Variants in TNFSF4 observed in about 807,000 individuals in gnomAD.
TNFSF4 encodes TNF superfamily member 4, also known as tumor necrosis factor ligand superfamily member 4.
In TNFSF4, 4 loss-of-function variants were observed where a neutral mutation model predicts 7.3. The observed-to-expected ratio is 0.55, with a 90% CI of 0.27 to 1.25. TNFSF4 has a LOEUF of 1.25. Ranked by LOEUF, TNFSF4 falls within the 50% of genes most tolerant of loss-of-function variation. TNFSF4 has a pLI of 0.12. For synonymous variants in TNFSF4, 76 were observed against 83.7 expected, an observed-to-expected ratio of 0.91 and a Z score of 0.50; for missense variants, 181 against 208.8, an observed-to-expected ratio of 0.87 and a Z score of 0.82.
At chr1:173,259,548 G>A in the TNFSF4 span, among the ~76,000 whole-genome samples, 5 of 152,160 alleles carry the variant, frequency 3.3e-5, no homozygotes, top group African/African-American at 1.2e-4. Context: ...GAACTTCACT[G>A]AGCTAAAGGA....
At chr1:173,284,663 T>C in the TNFSF4 span, among the ~76,000 whole-genome samples, 5 of 152,198 alleles carry the variant, frequency 3.3e-5, no homozygotes, top group African/African-American at 1.2e-4. Context: ...TTTATCATTC[T>C]GAAAATCCTA....
At chr1:173,359,477 AG>A in the TNFSF4 span, among the ~76,000 whole-genome samples, 83,778 of 134,022 alleles carry the variant, frequency 0.63, 25,852 homozygotes, top group Admixed American at 0.68. Flanking sequence ...AAAAGAAAAA[AG>A]AAAAATTCAA....
At chr1:173,350,240 T>C in the TNFSF4 span, among the ~76,000 whole-genome samples, 1 of 152,188 alleles carries the variant, frequency 6.6e-6, no homozygotes, top group Non-Finnish European at 1.5e-5. Flanking sequence ...TCAAAGAATG[T>C]CTTAGGATCC....
the TNFSF4 span, among the ~76,000 whole-genome samples, chr1:173,341,498 C>T: frequency 6.6e-6 from 1 of 152,172 alleles, no homozygotes; most frequent in Non-Finnish European, 1.5e-5. Context: ...CTGCCACGAC[C>T]TCCTCCCCAA....
At chr1:173,351,699 C>T in the TNFSF4 span, 2 of 355,772 alleles carry the variant, frequency 5.6e-6, no homozygotes, top group African/African-American at 4.2e-5. Flanking sequence ...TATCAATGTT[C>T]AATCCATGCC....
chr1:173,175,752 T>C, the TNFSF4 span, among the ~76,000 whole-genome samples: 1 of 152,214 alleles, frequency 6.6e-6, no homozygotes, highest in African/African-American at 2.4e-5. Flanking sequence ...ACTTCTTATG[T>C]AATGGGGATT....
At chr1:173,331,899 C>T in the TNFSF4 span, among the ~76,000 whole-genome samples, 1 of 152,098 alleles carries the variant, frequency 6.6e-6, no homozygotes, top group East Asian at 1.9e-4. Flanking sequence ...CTTTTGTTCC[C>T]AGGACATATT....
chr1:173,420,773 T>A, the TNFSF4 span, among the ~76,000 whole-genome samples: 1 of 152,232 alleles, frequency 6.6e-6, no homozygotes, highest in Admixed American at 6.5e-5. Context: ...ATTACATAAC[T>A]AATTTACTAA....
the TNFSF4 span, among the ~76,000 whole-genome samples, chr1:173,378,775 C>T: frequency 6.6e-6 from 1 of 152,104 alleles, no homozygotes; most frequent in Non-Finnish European, 1.5e-5. Flanking sequence ...ATATCCCAGC[C>T]TCCCTATAGC....
At chr1:173,298,532 T>G in the TNFSF4 span, among the ~76,000 whole-genome samples, 2 of 151,910 alleles carry the variant, frequency 1.3e-5, no homozygotes, top group Admixed American at 6.6e-5. Context: ...CCTTCTTTTT[T>G]GGAATCTCCT....
At chr1:173,315,544 T>G in the TNFSF4 span, among the ~76,000 whole-genome samples, 1 of 152,028 alleles carries the variant, frequency 6.6e-6, no homozygotes, top group Admixed American at 6.6e-5. Flanking sequence ...TGCAACCATA[T>G]GTGGAGGCAA....
chr1:173,185,902 T>C lies in TNFSF4; in HGVS notation c.*614A>G, dbSNP rs1649203284. On this transcript the variant is annotated 3_prime_UTR_variant, in exon 3 of 3. Transcript: ENST00000281834. ...GGTAAAGAAAAAAAGCACGTGGTAT[T>C]TCTTAGACGGCTCTCTTCAAGTCCT... is the stretch of plus-strand genomic sequence containing the variant. 1 of 152,242 alleles carries C rather than the reference T, an allele frequency of 6.6e-6. No homozygotes were observed. Among genetic ancestry groups the C allele is most frequent in the Non-Finnish European group, 1.5e-5 (1 of 68,080 alleles). The allele number at this position is 152,242 out of a possible 1,614,324, so 9.4% of individuals were successfully genotyped here.
chr1:173,197,337 A>G (rs1454573228), intron 1 of TNFSF4, among the ~76,000 whole-genome samples: 1 of 152,258 alleles, frequency 6.6e-6, no homozygotes, highest in Non-Finnish European at 1.5e-5. Context: ...ATTACTGGGT[A>G]TATACCCAAA....
chr1:173,238,773 G>C, the TNFSF4 span, among the ~76,000 whole-genome samples: 1 of 152,168 alleles, frequency 6.6e-6, no homozygotes, highest in East Asian at 1.9e-4. Context: ...TGAGGTAGTA[G>C]AGAAAAGGGA....
At chr1:173,307,635 G>C in the TNFSF4 span, among the ~76,000 whole-genome samples, 1 of 151,888 alleles carries the variant, frequency 6.6e-6, no homozygotes, top group East Asian at 1.9e-4. Flanking sequence ...TGTAAAGAAG[G>C]TCTTTTGTTC....
the TNFSF4 span, among the ~76,000 whole-genome samples, chr1:173,268,669 C>T: frequency 3.3e-5 from 5 of 152,098 alleles, no homozygotes; most frequent in Non-Finnish European, 7.4e-5. Context: ...AAATGTCAGA[C>T]TTACACAAAC....
chr1:173,224,775 A>T, the TNFSF4 span, among the ~76,000 whole-genome samples: 1 of 152,190 alleles, frequency 6.6e-6, no homozygotes, highest in Non-Finnish European at 1.5e-5. Context: ...GCATGGGAGT[A>T]GGCTTGCAAT....
chr1:173,251,118 C>T, the TNFSF4 span, among the ~76,000 whole-genome samples: 1 of 152,140 alleles, frequency 6.6e-6, no homozygotes, highest in Non-Finnish European at 1.5e-5. Context: ...GGTTTGGAAA[C>T]GTTTGAAAAT....
At chr1:173,313,905 A>T in the TNFSF4 span, among the ~76,000 whole-genome samples, 1 of 152,040 alleles carries the variant, frequency 6.6e-6, no homozygotes, top group Non-Finnish European at 1.5e-5. Context: ...TATAATAGGG[A>T]CATTTTGAAT....
Sources: gnomAD v4.1 joint callset for allele counts (sites outside exome capture counted in the v4.1 genomes callset) on GRCh38, gnomAD v4.1.1 for gene constraint, MANE v1.5 for transcripts, NCBI Gene and HGNC (gene_info 2026-07-23, HGNC 2026-07-21) for gene names.